The following ERC2 variants were observed in gnomAD, a reference collection of about 807,000 sequenced individuals.
ERC2 encodes ELKS/RAB6-interacting/CAST family member 2, also known as ERC protein 2.
Under a neutral mutation model 114.8 loss-of-function variants are expected in ERC2, and 42 were observed. The observed-to-expected ratio is 0.37, with a 90% CI of 0.29 to 0.47. ERC2 has a LOEUF of 0.47. ERC2 is among the 20% of genes least tolerant of loss of function. ERC2 has a pLI of 0.99. For synonymous variants in ERC2, 454 were observed against 425.5 expected (o/e 1.07, Z -0.82); for missense variants, 939 against 1,150.7 (o/e 0.82, Z 2.66).
intron 17 of ERC2, chr3:55,606,594 A>G (rs566972445): frequency 6.6e-6 from 1 of 152,326 alleles, no homozygotes; most frequent in East Asian, 1.9e-4. Context: ...ATTGTTCTAC[A>G]CTGGTGGGAA....
chr3:56,309,917 A>T (rs2056443150), intron 2 of ERC2, among the ~76,000 whole-genome samples: 1 of 152,204 alleles, frequency 6.6e-6, no homozygotes, highest in Non-Finnish European at 1.5e-5. Flanking sequence ...TAAATCTTTG[A>T]TTATCAAATA....
At chr3:56,378,526 C>G (rs943463098) in intron 2 of ERC2, among the ~76,000 whole-genome samples, 10 of 144,122 alleles carry the variant, frequency 6.9e-5, no homozygotes, top group Non-Finnish European at 1.4e-4. Context: ...ACATATGTAA[C>G]TAACCTGCAC....
chr3:55,611,311 G>T (rs1575764654), intron 17 of ERC2, among the ~76,000 whole-genome samples: 1 of 152,090 alleles, frequency 6.6e-6, no homozygotes, highest in Admixed American at 6.5e-5. Flanking sequence ...TCCTCTCCGT[G>T]AGCTAATTAG....
intron 7 of ERC2, among the ~76,000 whole-genome samples, chr3:56,046,016 G>T (rs527610571): frequency 5.3e-5 from 8 of 152,208 alleles, no homozygotes; most frequent in Admixed American, 2.0e-4. Context: ...AGATTCCTGA[G>T]CCCCCGACTA....
chr3:55,544,714 C>T (rs1226440187), intron 17 of ERC2, among the ~76,000 whole-genome samples: 1 of 152,162 alleles, frequency 6.6e-6, no homozygotes, highest in African/African-American at 2.4e-5. Context: ...AGACCCTTAC[C>T]AAGGGAGGCA....
chr3:55,523,557 G>A (rs2053106910), intron 17 of ERC2, among the ~76,000 whole-genome samples: 1 of 152,146 alleles, frequency 6.6e-6, no homozygotes. Context: ...ACACCGTCTT[G>A]ACAATTTCTC....
chr3:56,207,899 T>C (rs1304466119), intron 3 of ERC2, among the ~76,000 whole-genome samples: 1 of 152,140 alleles, frequency 6.6e-6, no homozygotes, highest in Non-Finnish European at 1.5e-5. Context: ...TCTAGAAAAC[T>C]TCTCAATTCC....
intron 3 of ERC2, among the ~76,000 whole-genome samples, chr3:56,192,745 A>G (rs1313569347): frequency 1.3e-5 from 2 of 151,986 alleles, no homozygotes; most frequent in African/African-American, 4.8e-5. Context: ...GAGAGGGGCA[A>G]TGGGGTCTTG....
chr3:56,332,763 A>G (rs914274618), intron 2 of ERC2, among the ~76,000 whole-genome samples: 1 of 152,190 alleles, frequency 6.6e-6, no homozygotes, highest in African/African-American at 2.4e-5. Flanking sequence ...GGGTCCTTCT[A>G]ATCAGATTTT....
chr3:56,206,074 C>A (rs2048708934), intron 3 of ERC2, among the ~76,000 whole-genome samples: 1 of 152,120 alleles, frequency 6.6e-6, no homozygotes, highest in Non-Finnish European at 1.5e-5. Flanking sequence ...ACTACTTAGG[C>A]ATGGTTAAGA....
At chr3:56,299,433 AT>A (rs202209933) in intron 2 of ERC2, among the ~76,000 whole-genome samples, 3,090 of 120,464 alleles carry the variant, frequency 0.026, 62 homozygotes, top group East Asian at 0.14. Flanking sequence ...CAGCTAATAG[AT>A]TTTTTTTTTT....
At chr3:56,248,962 T>A (rs1207237977) in intron 3 of ERC2, among the ~76,000 whole-genome samples, 1 of 152,214 alleles carries the variant, frequency 6.6e-6, no homozygotes, top group African/African-American at 2.4e-5. Context: ...TTTTAGCACA[T>A]TACAGAGGCC....
chr3:56,329,771 C>CAT (rs1167424329), intron 2 of ERC2, among the ~76,000 whole-genome samples: 2 of 148,394 alleles, frequency 1.3e-5, no homozygotes, highest in Non-Finnish European at 3.0e-5. Flanking sequence ...CAAGTATTCT[C>CAT]ATATATATGT....
intron 4 of ERC2, among the ~76,000 whole-genome samples, chr3:56,172,851 C>G (rs528659478): frequency 1.2e-4 from 19 of 152,254 alleles, no homozygotes; most frequent in African/African-American, 4.6e-4. Context: ...GCCCTAAATT[C>G]TCTCAGAAGG....
At chr3:56,143,994 G>A (rs552746681) in intron 5 of ERC2, among the ~76,000 whole-genome samples, 3 of 152,200 alleles carry the variant, frequency 2.0e-5, no homozygotes, top group Non-Finnish European at 4.4e-5. Flanking sequence ...CAAGAAGTCA[G>A]ACTATGTCAG....
At chr3:55,635,684 C>G (rs1292554070) in intron 17 of ERC2, among the ~76,000 whole-genome samples, 1 of 151,956 alleles carries the variant, frequency 6.6e-6, no homozygotes, top group Non-Finnish European at 1.5e-5. Flanking sequence ...AGCCACTGCG[C>G]CCAGCCTCAG....
intron 2 of ERC2, among the ~76,000 whole-genome samples, chr3:56,388,414 T>C (rs1032086775): frequency 2.6e-5 from 4 of 152,176 alleles, no homozygotes; most frequent in African/African-American, 9.7e-5. Flanking sequence ...CTTTCAGCCA[T>C]GGTTGCAAGC....
At chr3:56,238,240 G>T (rs1267042908) in intron 3 of ERC2, among the ~76,000 whole-genome samples, 1 of 152,244 alleles carries the variant, frequency 6.6e-6, no homozygotes, top group East Asian at 1.9e-4. Context: ...GAGCCCATGA[G>T]AGAATGAACC....
At chr3:56,425,552 C>A (rs1576900296) in intron 2 of ERC2, among the ~76,000 whole-genome samples, 1 of 128,888 alleles carries the variant, frequency 7.8e-6, no homozygotes, top group Non-Finnish European at 1.6e-5. Flanking sequence ...TCCACCCCGA[C>A]CCTTTTTCTT....
Sources: allele counts gnomAD v4.1 joint callset (sites outside exome capture counted in the v4.1 genomes callset), GRCh38; gene constraint gnomAD v4.1.1; transcripts MANE v1.5; gene names NCBI Gene and HGNC (gene_info 2026-07-23, HGNC 2026-07-21).